The following RASGEF1B variants were observed in gnomAD, a reference collection of about 807,000 sequenced individuals.
The protein encoded by RASGEF1B is ras-GEF domain-containing family member 1B.
Under a neutral mutation model 65.7 loss-of-function variants are expected in RASGEF1B, and 30 were observed. The ratio of observed to expected loss-of-function variants is 0.46; its 90% CI spans 0.34 to 0.62. The LOEUF is 0.62. RASGEF1B is among the 20% of genes least tolerant of loss of function. The pLI, the probability that RASGEF1B is intolerant of heterozygous loss-of-function variation, is 0.01. For missense variants in RASGEF1B, 495 were observed against 580.1 expected (o/e 0.85, Z 1.51); for synonymous variants, 175 against 194.8 (o/e 0.90, Z 0.85).
At chr4:81,445,194 T>C (rs1266984631) in intron 8 of RASGEF1B, among the ~76,000 whole-genome samples, 1 of 152,202 alleles carries the variant, frequency 6.6e-6, no homozygotes, top group Non-Finnish European at 1.5e-5. Flanking sequence ...AACTTAGTCT[T>C]GGATCATTAT....
chr4:81,466,758 CAAAAA>C lies in RASGEF1B; in HGVS notation c.-7+5007_-7+5011del, dbSNP rs748152922. Among the ~76,000 whole-genome samples, 60 of 57,610 alleles carry C rather than the reference CAAAAA, an allele frequency of 1.0e-3. 1 individual carries two copies. The highest frequency in any genetic ancestry group is 1.4e-3 in the African/African-American group (16 of 11,830). The allele number at this position is 57,610 out of a possible 152,430, so 37.8% of individuals were successfully genotyped here. A position where few individuals can be genotyped will look rare whatever the true frequency, so the allele number is the denominator to read the frequency against. On this transcript the variant is annotated intron_variant, in intron 1 of 13. Transcript: ENST00000264400. Reference sequence around the variant, plus strand: ...TGGGCGACAGAGCAAGCCTCCATGTCAAAAAAAAAAAAAAAGAAAGAAAGAAAGAA... The same window carrying C: ...TGGGCGACAGAGCAAGCCTCCATGTCAAAAAAAAAAGAAAGAAAGAAAGAA...
chr4:81,437,847 A>C (rs112639511), intron 10 of RASGEF1B, among the ~76,000 whole-genome samples: 7 of 152,362 alleles, frequency 4.6e-5, no homozygotes, highest in African/African-American at 1.7e-4. Flanking sequence ...TAGCCCCTAC[A>C]CAAATCTAAT....
chr4:81,458,830 A>G (rs1475419152), intron 2 of RASGEF1B, among the ~76,000 whole-genome samples: 1 of 152,264 alleles, frequency 6.6e-6, no homozygotes, highest in Non-Finnish European at 1.5e-5. Context: ...TGCTAGCTAT[A>G]TAAATGTAGG....
intron 13 of RASGEF1B, 30 bp downstream of exon 13, chr4:81,432,269 T>G: frequency 6.8e-7 from 1 of 1,472,302 alleles, no homozygotes; most frequent in Non-Finnish European, 9.5e-7. Context: ...TCCTTCAGAC[T>G]TGTGCAGCAA....
chr4:81,434,922 T>G (rs1263589298), intron 10 of RASGEF1B, among the ~76,000 whole-genome samples, 188 bp from the exon 11 acceptor site: 1 of 152,202 alleles, frequency 6.6e-6, no homozygotes, highest in Non-Finnish European at 1.5e-5. Context: ...ATACTACAAC[T>G]GCTATAACCA....
intron 10 of RASGEF1B, among the ~76,000 whole-genome samples, chr4:81,435,755 G>A (rs1424055119): frequency 6.2e-5 from 9 of 144,514 alleles, no homozygotes; most frequent in South Asian, 2.2e-4. Context: ...GATTACAGGC[G>A]TGAGCCAACG....
At chr4:81,444,829 C>T (rs960490766) in intron 8 of RASGEF1B, among the ~76,000 whole-genome samples, 1 of 152,200 alleles carries the variant, frequency 6.6e-6, no homozygotes, top group African/African-American at 2.4e-5. Flanking sequence ...CCACTGTGCC[C>T]AGCCTATTCT....
intron 1 of RASGEF1B, chr4:81,471,132 A>G (rs1369543007): frequency 6.6e-6 from 1 of 152,212 alleles, no homozygotes; most frequent in Non-Finnish European, 1.5e-5. Context: ...ACACCGAAGG[A>G]TGACAGCACA....
chr4:81,457,679 C>G (rs1560708605), intron 2 of RASGEF1B, 58 bp from the exon 3 acceptor site: 2 of 1,585,660 alleles, frequency 1.3e-6, no homozygotes, highest in East Asian at 4.5e-5. Flanking sequence ...AATATCTTGC[C>G]TTTATACTAT....
intron 1 of RASGEF1B, among the ~76,000 whole-genome samples, chr4:81,461,291 C>G (rs1018570732): frequency 6.6e-6 from 1 of 152,180 alleles, no homozygotes; most frequent in Non-Finnish European, 1.5e-5. Context: ...AGATGAGAGG[C>G]ACCTAAAAGT....
rs1721255186 is a variant in RASGEF1B, at chr4:81,427,142, T to C, written c.*626A>G. The C allele has an allele frequency of 6.6e-6, 1 of 152,638 alleles. No individual in the cohort carries two copies. Among genetic ancestry groups the C allele is most frequent in the South Asian group, 2.1e-4 (1 of 4,830 alleles). The allele number at this position is 152,638 out of a possible 1,614,324, so 9.5% of individuals were successfully genotyped here. A position where few individuals can be genotyped will look rare whatever the true frequency, so the allele number is the denominator to read the frequency against. Reference sequence around the variant, plus strand: ...CTTATATGGGTAAAAAGGAGTTTGCTAACCAGCAGCCAACTCAAAACCTTG... The same window carrying C: ...CTTATATGGGTAAAAAGGAGTTTGCCAACCAGCAGCCAACTCAAAACCTTG... On this transcript the variant is annotated 3_prime_UTR_variant, in exon 14 of 14. Coordinates refer to ENST00000264400, the MANE Select transcript of RASGEF1B (RefSeq NM_152545.3).
chr4:81,443,742 A>C (rs1011004624), intron 8 of RASGEF1B, among the ~76,000 whole-genome samples: 2 of 152,246 alleles, frequency 1.3e-5, no homozygotes, highest in Non-Finnish European at 2.9e-5. Context: ...TTCTTTTACA[A>C]ATCTTTCTGT....
At chr4:81,428,374 A>G (rs1332089451) in intron 13 of RASGEF1B, among the ~76,000 whole-genome samples, 3 of 152,220 alleles carry the variant, frequency 2.0e-5, no homozygotes. Flanking sequence ...AGCCCTCTCT[A>G]TCTGTGGGTT....
At chr4:81,445,431 TGTACTAA>T in intron 8 of RASGEF1B, 88 bp downstream of exon 8, 1 of 864,934 alleles carries the variant, frequency 1.2e-6, no homozygotes, top group African/African-American at 1.7e-5. Flanking sequence ...AAATACAGTC[TGTACTAA>T]CAAAACCATA....
intron 10 of RASGEF1B, among the ~76,000 whole-genome samples, chr4:81,437,263 C>T (rs1400319349): frequency 6.6e-6 from 1 of 152,100 alleles, no homozygotes; most frequent in Non-Finnish European, 1.5e-5. Context: ...AATAATATTT[C>T]AAGATGCATG....
At position 81,445,621 on chromosome 4, in the gene RASGEF1B, T is replaced by C. The variant is rs753498727; in HGVS notation, c.833A>G (p.Lys278Arg). ...AATCATTCTTGCTCGGTGTTTTTTC[T>C]TAACAGGCTACACAGTAAAAGACAA... ...LVATEICMPV[K>R]KKHRARMIEY... The change falls in exon 8 of 14, where the codon AAG becomes AGG. Residue 278 changes from lysine to arginine, a missense_variant. Transcript: ENST00000264400. The C allele has an allele frequency of 6.2e-7, 1 of 1,613,522 alleles. No individual in the cohort carries two copies. Among genetic ancestry groups the C allele is most frequent in the Non-Finnish European group, 8.5e-7 (1 of 1,179,444 alleles).
chr4:81,448,195 T>C lies in RASGEF1B; in HGVS notation c.528A>G (p.Lys176=). The C allele has an allele frequency of 6.2e-7, 1 of 1,614,056 alleles. No homozygotes were observed. The highest frequency in any genetic ancestry group is 1.7e-4 in the Middle Eastern group (1 of 5,982). ...GCCGATCTGTGGATGTGGAGCTGAT[T>C]TTTGCCAGGACTTCTTCGTACTGGC... is the stretch of plus-strand genomic sequence containing the variant. ...ALSQYEEVLA[K]ISSTSTDRLT... Residue 176 remains lysine, a synonymous_variant, in exon 5 of 14, where the codon AAA becomes AAG. Transcript: ENST00000264400.
chr4:81,447,939 T>C (rs1722094505), intron 5 of RASGEF1B, 130 bp downstream of exon 5: 1 of 716,732 alleles, frequency 1.4e-6, no homozygotes, highest in Non-Finnish European at 2.4e-6. Flanking sequence ...ATGTTTCAGC[T>C]ATCTCAGATG....
At chr4:81,461,277 C>T (rs1047073185) in intron 1 of RASGEF1B, among the ~76,000 whole-genome samples, 3 of 152,246 alleles carry the variant, frequency 2.0e-5, no homozygotes, top group African/African-American at 2.4e-5. Flanking sequence ...GAGGCAGGGA[C>T]GTGAGATGAG....
Sources: gnomAD v4.1 joint callset for allele counts (sites outside exome capture counted in the v4.1 genomes callset) on GRCh38, gnomAD v4.1.1 for gene constraint, MANE v1.5 for transcripts, NCBI Gene and HGNC (gene_info 2026-07-23, HGNC 2026-07-21) for gene names.